PRDM5: variants seen among roughly 807,000 people sequenced by gnomAD.
The protein encoded by PRDM5 is PR domain zinc finger protein 5.
Under a neutral mutation model 81.2 loss-of-function variants are expected in PRDM5, and 56 were observed. The ratio of observed to expected loss-of-function variants is 0.69; its 90% CI spans 0.56 to 0.86. PRDM5 has a LOEUF of 0.86. Among genes scored for constraint, PRDM5 ranks in the 40% least tolerant of loss-of-function variants. The pLI is 0.00. For synonymous variants in PRDM5, 267 were observed against 256.4 expected, an observed-to-expected ratio of 1.04 and a Z score of -0.39; for missense variants, 697 against 770.1, an observed-to-expected ratio of 0.91 and a Z score of 1.12.
chr4:120,775,800 A>C (rs1038907483), intron 13 of PRDM5, among the ~76,000 whole-genome samples: 21 of 152,218 alleles, frequency 1.4e-4, no homozygotes, highest in Non-Finnish European at 2.5e-4. Flanking sequence ...TGTTGATTTC[A>C]CCCTTGCCCT....
chr4:120,688,223 G>A (rs1225410765), downstream of PRDM5, among the ~76,000 whole-genome samples: 1 of 151,500 alleles, frequency 6.6e-6, no homozygotes, highest in African/African-American at 2.4e-5. Context: ...GCATTTCACT[G>A]GTGATTAGTA....
intron 3 of PRDM5, among the ~76,000 whole-genome samples, chr4:120,842,101 C>A (rs968790932): frequency 2.6e-5 from 4 of 152,180 alleles, no homozygotes; most frequent in Admixed American, 6.5e-5. Context: ...TGTTAATCAA[C>A]AGAGTATCTG....
chr4:120,867,416 C>A (rs936098010), intron 2 of PRDM5, among the ~76,000 whole-genome samples: 1 of 152,138 alleles, frequency 6.6e-6, no homozygotes, highest in African/African-American at 2.4e-5. Flanking sequence ...TCAGTTTTCT[C>A]CAAATCTTAA....
chr4:120,794,447 G>A (rs1232290981), intron 10 of PRDM5, among the ~76,000 whole-genome samples: 1 of 151,550 alleles, frequency 6.6e-6, no homozygotes, highest in African/African-American at 2.4e-5. Flanking sequence ...ACCAGGCAAA[G>A]AGTGAACTGT....
intron 12 of PRDM5, among the ~76,000 whole-genome samples, chr4:120,779,556 G>A (rs1748703350): frequency 6.6e-6 from 1 of 152,028 alleles, no homozygotes; most frequent in Non-Finnish European, 1.5e-5. Flanking sequence ...AAAAATACAG[G>A]AACCCATATG....
At chr4:120,752,139 T>A (rs1183412436) in intron 14 of PRDM5, among the ~76,000 whole-genome samples, 3 of 152,236 alleles carry the variant, frequency 2.0e-5, no homozygotes, top group Admixed American at 1.3e-4. Flanking sequence ...GCACATTTTT[T>A]AAATCTCTTT....
chr4:120,714,945 C>T (rs980625900), intron 14 of PRDM5, among the ~76,000 whole-genome samples: 6 of 152,154 alleles, frequency 3.9e-5, no homozygotes, highest in African/African-American at 1.4e-4. Context: ...AGAAAGCTTT[C>T]CCTAGCCAGC....
At chr4:120,873,130 T>C (rs1474943957) in intron 2 of PRDM5, among the ~76,000 whole-genome samples, 1 of 152,138 alleles carries the variant, frequency 6.6e-6, no homozygotes, top group East Asian at 1.9e-4. Flanking sequence ...GCCTCCCAAG[T>C]AGCTGGGACT....
rs189676157 is a variant in PRDM5 at position 120,756,525 on chromosome 4, T to C, written c.1538-1887A>G. On this transcript the variant is annotated intron_variant, in intron 13 of 15. Transcript: ENST00000264808. ...TCAGGATGATGATAAAAAAGAACAT[T>C]ATAGTAATAGCAGTAACAGCATCAG... Among the ~76,000 whole-genome samples the C allele has an allele frequency of 1.1e-3, 172 of 152,218 alleles. 1 individual carries two copies. Among genetic ancestry groups the C allele is most frequent in the African/African-American group, 4.1e-3 (170 of 41,532 alleles).
intron 8 of PRDM5, among the ~76,000 whole-genome samples, chr4:120,810,838 C>T (rs1043477074): frequency 2.0e-5 from 3 of 152,092 alleles, no homozygotes; most frequent in African/African-American, 7.2e-5. Flanking sequence ...GACATATCAA[C>T]ACAATAATTT....
At chr4:120,862,928 G>A (rs542392264) in intron 2 of PRDM5, among the ~76,000 whole-genome samples, 2 of 151,962 alleles carry the variant, frequency 1.3e-5, no homozygotes, top group East Asian at 3.9e-4. Context: ...AGAGGCCAAG[G>A]AGGGTGACTC....
chr4:120,860,399 A>T lies in PRDM5; in HGVS notation c.178-6859T>A, dbSNP rs532369910. On this transcript the variant is annotated intron_variant, in intron 2 of 15. Transcript: ENST00000264808. ...TTTTTAAATTGGGCTAATTTTTTTT[A>T]AAAAAATAAATACCTGACAAAAAAT... is the stretch of plus-strand genomic sequence containing the variant. 2.5e-3 allele frequency among the ~76,000 whole-genome samples: 387 copies of T among 151,856 alleles called. 1 individual carries two copies. The highest frequency in any genetic ancestry group is 8.5e-3 in the African/African-American group (351 of 41,252).
chr4:120,851,523 A>G (rs1357138420), intron 3 of PRDM5, among the ~76,000 whole-genome samples: 1 of 152,000 alleles, frequency 6.6e-6, no homozygotes, highest in African/African-American at 2.4e-5. Flanking sequence ...GCCATCATGA[A>G]TAATTGGAAA....
intron 2 of PRDM5, among the ~76,000 whole-genome samples, chr4:120,869,942 G>T (rs1481456852): frequency 6.6e-6 from 1 of 151,990 alleles, no homozygotes; most frequent in South Asian, 2.1e-4. Flanking sequence ...GTCTACATGA[G>T]AGCACTGTGT....
At chr4:120,722,721 G>A (rs943008648) in intron 14 of PRDM5, among the ~76,000 whole-genome samples, 2 of 152,112 alleles carry the variant, frequency 1.3e-5, no homozygotes, top group Admixed American at 1.3e-4. Context: ...TGCAGTGATG[G>A]GTTTAGCTTA....
chr4:120,821,639 G>T (rs909353958), intron 3 of PRDM5, among the ~76,000 whole-genome samples: 1 of 151,914 alleles, frequency 6.6e-6, no homozygotes, highest in Non-Finnish European at 1.5e-5. Context: ...ACACTTTGTG[G>T]TGGCCTATAA....
chr4:120,826,597 G>A (rs1756023980), intron 3 of PRDM5, among the ~76,000 whole-genome samples: 1 of 151,892 alleles, frequency 6.6e-6, no homozygotes, highest in South Asian at 2.1e-4. Context: ...TAAAATAATA[G>A]GTAGTAAAAT....
At chr4:120,892,588 T>C (rs1310610017) in intron 2 of PRDM5, among the ~76,000 whole-genome samples, 1 of 152,202 alleles carries the variant, frequency 6.6e-6, no homozygotes, top group African/African-American at 2.4e-5. Flanking sequence ...TACTCTGCTG[T>C]CTGAGTGCTT....
intron 14 of PRDM5, among the ~76,000 whole-genome samples, chr4:120,723,723 A>C (rs555595820): frequency 1.3e-5 from 2 of 152,250 alleles, no homozygotes; most frequent in African/African-American, 4.8e-5. Context: ...TGATATATAT[A>C]GTGTCCAAGG....
Sources: gnomAD v4.1 joint callset for allele counts (sites outside exome capture counted in the v4.1 genomes callset) on GRCh38, gnomAD v4.1.1 for gene constraint, MANE v1.5 for transcripts, NCBI Gene and HGNC (gene_info 2026-07-23, HGNC 2026-07-21) for gene names.